NOX5: variants seen among roughly 807,000 people sequenced by gnomAD.
NOX5 encodes the protein NADPH oxidase 5, also known as NADPH oxidase, EF-hand calcium binding domain 5.
In NOX5, 76 loss-of-function variants were observed where a neutral mutation model predicts 85.7. That is an observed-to-expected ratio of 0.89 (90% CI 0.74 to 1.07). NOX5 has a LOEUF of 1.07. NOX5 is among the 50% of genes least tolerant of loss of function. NOX5 has a pLI of 0.00. For missense variants in NOX5, 973 were observed against 999.5 expected (o/e 0.97, Z 0.36); for synonymous variants, 405 against 401.4 (o/e 1.01, Z -0.11).
chr15:69,051,852 T>A lies in NOX5; in HGVS notation c.1999+2794T>A, dbSNP rs188003286. Among the ~76,000 whole-genome samples, 1,102 of 151,836 alleles carry A rather than the reference T, an allele frequency of 7.3e-3. 17 individuals are homozygous for A. Among genetic ancestry groups the A allele is most frequent in the African/African-American group, 0.023 (956 of 41,458 alleles). ...TTTCCTTCCATTCCTGTTTTTTTTT[T>A]AAAAAAAGATTAAATACCTTAACAT... is the stretch of plus-strand genomic sequence containing the variant. On this transcript the variant is annotated intron_variant, in intron 14 of 15. Transcript: ENST00000388866.
chr15:69,033,804 C>G (rs2050476550), intron 5 of NOX5, among the ~76,000 whole-genome samples: 1 of 150,638 alleles, frequency 6.6e-6, no homozygotes, highest in African/African-American at 2.5e-5. Context: ...AAGCGATCCT[C>G]CTGCCTCAGC....
At chr15:69,034,120 T>C (rs907936220) in intron 5 of NOX5, among the ~76,000 whole-genome samples, 2 of 152,244 alleles carry the variant, frequency 1.3e-5, no homozygotes, top group African/African-American at 4.8e-5. Flanking sequence ...AGATTCATCA[T>C]TGATGAGCAG....
chr15:69,056,809 C>A lies in NOX5; in HGVS notation c.*113C>A. 1.5e-6 allele frequency: 2 copies of A among 1,338,914 alleles called. No individual in the cohort carries two copies. Among genetic ancestry groups the A allele is most frequent in the Non-Finnish European group, 2.0e-6 (2 of 988,112 alleles). 82.9% of individuals were successfully genotyped at this position (1,338,914 alleles called of 1,614,324 possible). ...GATGACCCACCCAATAAGACAAAGC[C>A]TAGGGACCCCCTAATCCTGCTCAAC... On this transcript the variant is annotated 3_prime_UTR_variant, in exon 16 of 16. Coordinates refer to ENST00000388866, the MANE Select transcript of NOX5 (RefSeq NM_024505.4).
chr15:69,042,798 C>A lies in NOX5; in HGVS notation c.1640C>A (p.Ser547Ter), dbSNP rs764946074. 2 of 1,613,476 alleles carry A rather than the reference C, an allele frequency of 1.2e-6. No individual in the cohort carries two copies. The highest frequency in any genetic ancestry group is 1.3e-5 in the African/African-American group (1 of 75,048). ...GTGACAATGAGAAAGAGTCAAAGGT[C>A]GTCCAAGGTAGGTGGCTACTGGAGG... Reference protein sequence around the residue: ...RSVTMRKSQRSSKGSEILLEK... With the variant: ...RSVTMRKSQR The change falls in exon 10 of 16, where the codon TCG becomes TAG. Residue 547 changes from serine (S) to a stop codon, truncating the protein, a stop_gained. Coordinates refer to ENST00000388866, the MANE Select transcript of NOX5 (RefSeq NM_024505.4). LOFTEE classifies it high-confidence loss of function.
chr15:69,054,140 C>CA (rs1399611176), intron 14 of NOX5, among the ~76,000 whole-genome samples: 1 of 152,022 alleles, frequency 6.6e-6, no homozygotes, highest in Non-Finnish European at 1.5e-5. Flanking sequence ...CAGGCCCTGC[C>CA]AACTCTGGCT....
At chr15:69,031,852 C>T (rs1414028700) in intron 4 of NOX5, 40 bp downstream of exon 4, 1 of 1,553,384 alleles carries the variant, frequency 6.4e-7, no homozygotes, top group South Asian at 1.2e-5. Flanking sequence ...TCCACGGCGG[C>T]GTTAGACTCC....
rs1012815874 is a variant in NOX5 at position 69,061,738 on chromosome 15, G to T, written c.*5042G>T. 1 of 152,184 alleles carries T rather than the reference G, an allele frequency of 6.6e-6. No homozygotes were observed. The highest frequency in any genetic ancestry group is 2.4e-5 in the African/African-American group (1 of 41,440). 9.4% of individuals were successfully genotyped at this position (152,184 alleles called of 1,614,324 possible). Reference sequence around the variant, plus strand: ...GCCACCCAGCCATGGCCCCAAAAGGGCTGCCCTAATACTACTCAGGGACAA... The same window carrying T: ...GCCACCCAGCCATGGCCCCAAAAGGTCTGCCCTAATACTACTCAGGGACAA... On this transcript the variant is annotated 3_prime_UTR_variant, in exon 16 of 16. Coordinates refer to ENST00000388866, the MANE Select transcript of NOX5 (RefSeq NM_024505.4).
rs970399621 is a variant in NOX5 at position 69,061,676 on chromosome 15, A to C, written c.*4980A>C. The C allele has an allele frequency of 2.0e-5, 3 of 152,194 alleles. No homozygotes were observed. The highest frequency in any genetic ancestry group is 6.5e-5 in the Admixed American group (1 of 15,284). 9.4% of individuals were successfully genotyped at this position (152,194 alleles called of 1,614,324 possible). Reference sequence around the variant, plus strand: ...GAATGGCAGAAATGGCTGGAAAGAGACTTGACTCTCAAGGAAGCTTCCAGC... The same window carrying C: ...GAATGGCAGAAATGGCTGGAAAGAGCCTTGACTCTCAAGGAAGCTTCCAGC... On this transcript the variant is annotated 3_prime_UTR_variant, in exon 16 of 16. Transcript: ENST00000388866.
intron 9 of NOX5, among the ~76,000 whole-genome samples, chr15:69,040,592 G>T (rs2050580941): frequency 6.6e-6 from 1 of 152,164 alleles, no homozygotes; most frequent in Non-Finnish European, 1.5e-5. Flanking sequence ...CCAGTGTGTG[G>T]ATACTAATAT....
chr15:69,055,851 A>C (rs540936981), intron 15 of NOX5, among the ~76,000 whole-genome samples: 2 of 152,326 alleles, frequency 1.3e-5, no homozygotes, highest in East Asian at 3.9e-4. Flanking sequence ...AAATGGGGAA[A>C]CTGAGGCACA....
chr15:69,034,842 A>T (rs1040945772), intron 5 of NOX5, among the ~76,000 whole-genome samples: 22 of 152,262 alleles, frequency 1.4e-4, no homozygotes, highest in Admixed American at 1.2e-3. Flanking sequence ...GCCTGGGCTC[A>T]AGCAATCCTG....
Position 69,046,847 on chromosome 15 carries a change from A to T in NOX5, c.1673A>T (p.His558Leu). The T allele has an allele frequency of 6.2e-7, 1 of 1,613,844 alleles. No individual in the cohort carries two copies. The highest frequency in any genetic ancestry group is 8.5e-7 in the Non-Finnish European group (1 of 1,179,794). ...GGCTCTGAGATACTTTTGGAGAAAC[A>T]CAAATTCTGTAACATCAAGGTGAGA... ...SKGSEILLEK[H>L]KFCNIKCYID... The change falls in exon 11 of 16, where the codon CAC becomes CTC. Residue 558 changes from histidine (H) to leucine (L), a missense_variant. By Grantham distance (99) the His-to-Leu change is moderately conservative. Transcript: ENST00000388866.
intron 3 of NOX5, 99 bp downstream of exon 3, chr15:69,028,464 G>A (rs1279056659): frequency 3.3e-6 from 4 of 1,210,778 alleles, no homozygotes; most frequent in Non-Finnish European, 4.5e-6. Flanking sequence ...TGCCATCCCG[G>A]CCTCCTGAGC....
intron 4 of NOX5, among the ~76,000 whole-genome samples, chr15:69,032,096 A>G (rs1305155336): frequency 6.6e-6 from 1 of 152,216 alleles, no homozygotes; most frequent in Non-Finnish European, 1.5e-5. Context: ...TACAAAAGGA[A>G]ATTACTTCGC....
chr15:69,023,088 C>A, intron 1 of NOX5: 1 of 424,276 alleles, frequency 2.4e-6, no homozygotes, highest in South Asian at 2.0e-5. Context: ...CAATAATAAC[C>A]CTGCAGACTT....
chr15:69,019,048 A>C (rs2050266524), intron 1 of NOX5, among the ~76,000 whole-genome samples: 1 of 152,148 alleles, frequency 6.6e-6, no homozygotes, highest in Non-Finnish European at 1.5e-5. Context: ...ATTTTTGTAG[A>C]GATGAGGTTT....
At chr15:69,048,006 A>G in intron 13 of NOX5, 95 bp downstream of exon 13, 1 of 1,063,146 alleles carries the variant, frequency 9.4e-7, no homozygotes, top group Non-Finnish European at 1.4e-6. Context: ...GTGGGAGCGG[A>G]TAGGTGATCC....
intron 1 of NOX5, among the ~76,000 whole-genome samples, chr15:69,020,768 A>T (rs1185873148): frequency 6.6e-6 from 1 of 152,074 alleles, no homozygotes; most frequent in Non-Finnish European, 1.5e-5. Context: ...AATGCATTAA[A>T]CTAGAGAAAC....
At position 69,047,750 on chromosome 15, in the gene NOX5, C is replaced by T. The variant is rs914247982; in HGVS notation, c.1818-80C>T. The T allele has an allele frequency of 2.0e-6, 3 of 1,491,868 alleles. No homozygotes were observed. In the Admixed American group the frequency reaches 5.2e-5, roughly 26 times the overall value. The allele number at this position is 1,491,868 out of a possible 1,614,324, so 92.4% of individuals were successfully genotyped here. On this transcript the variant is annotated intron_variant, in intron 12 of 15. Transcript: ENST00000388866. ...TGGGCTCTGCCACCCCATCCTTGCT[C>T]CCTGTCCCCTGAACTGTTCTCTGGG...
Sources: gnomAD v4.1 joint callset for allele counts (sites outside exome capture counted in the v4.1 genomes callset) on GRCh38, gnomAD v4.1.1 for gene constraint, MANE v1.5 for transcripts, NCBI Gene and HGNC (gene_info 2026-07-23, HGNC 2026-07-21) for gene names.